LCOR: variants seen among roughly 807,000 people sequenced by gnomAD.
LCOR encodes the protein ligand dependent nuclear receptor corepressor, also known as ligand-dependent corepressor.
Under a neutral mutation model 64.4 loss-of-function variants are expected in LCOR, and 14 were observed. The observed-to-expected ratio is 0.22, with a 90% CI of 0.14 to 0.34. The LOEUF (loss-of-function observed/expected upper bound fraction) is 0.34, where lower values mean the gene tolerates loss of function less well. Among genes scored for constraint, LCOR ranks in the 10% least tolerant of loss-of-function variants. The pLI is 1.00. For synonymous variants in LCOR, 643 were observed against 642.5 expected (o/e 1.00, Z -0.01); for missense variants, 1,686 against 1,765.3 (o/e 0.96, Z 0.80).
At chr10:96,904,115 G>A (rs193078191) in intron 2 of LCOR, among the ~76,000 whole-genome samples, 37 of 152,284 alleles carry the variant, frequency 2.4e-4, no homozygotes, top group Admixed American at 5.9e-4. Context: ...GATTCATGAG[G>A]GCAGGTAACA....
At chr10:96,930,999 GA>G (rs1055244064) in intron 4 of LCOR, among the ~76,000 whole-genome samples, 6 of 152,058 alleles carry the variant, frequency 3.9e-5, no homozygotes, top group African/African-American at 1.4e-4. Flanking sequence ...CTCCATATTT[GA>G]AAATGTATTT....
chr10:96,887,681 CTTT>C (rs369996836), intron 2 of LCOR, among the ~76,000 whole-genome samples: 2 of 143,978 alleles, frequency 1.4e-5, no homozygotes, highest in South Asian at 2.3e-4. Context: ...AAACTAGCTA[CTTT>C]TTTTTTTTTT....
At chr10:96,962,295 A>G (rs985159989) in intron 7 of LCOR, 7 of 152,290 alleles carry the variant, frequency 4.6e-5, no homozygotes, top group Non-Finnish European at 1.0e-4. Context: ...CATTTTAGAA[A>G]AATAAATCAC....
intron 7 of LCOR, chr10:96,956,908 G>T (rs1847793272): frequency 2.0e-6 from 2 of 985,076 alleles, no homozygotes; most frequent in South Asian, 9.4e-5. Context: ...ATTGGGGATG[G>T]GAGAAATAGG....
intron 2 of LCOR, among the ~76,000 whole-genome samples, chr10:96,877,906 C>T (rs546873365): frequency 2.3e-4 from 35 of 152,184 alleles, no homozygotes; most frequent in Non-Finnish European, 4.1e-4. Flanking sequence ...CCACTGCGCC[C>T]GACCTGAAAA....
chr10:96,840,518 T>G (rs971693730), intron 2 of LCOR, among the ~76,000 whole-genome samples: 20 of 152,184 alleles, frequency 1.3e-4, no homozygotes, highest in African/African-American at 4.1e-4. Flanking sequence ...TGGCTGTAAC[T>G]AGGGTTTAGA....
intron 4 of LCOR, among the ~76,000 whole-genome samples, chr10:96,911,993 A>G (rs935826618): frequency 4.6e-5 from 7 of 151,858 alleles, no homozygotes; most frequent in African/African-American, 1.7e-4. Flanking sequence ...GTACAGAGGC[A>G]TGATCTCGGC....
intron 7 of LCOR, among the ~76,000 whole-genome samples, chr10:96,969,476 CTA>C (rs144981717): frequency 0.02 from 3,040 of 151,442 alleles, 35 homozygotes; most frequent in South Asian, 0.044. Flanking sequence ...ATAAAGTTAA[CTA>C]TGTGCATTTC....
At chr10:96,926,324 A>C (rs1445092811) in intron 4 of LCOR, among the ~76,000 whole-genome samples, 1 of 152,216 alleles carries the variant, frequency 6.6e-6, no homozygotes, top group African/African-American at 2.4e-5. Context: ...TGTGCAAAGA[A>C]ATTTATGGAA....
At chr10:96,879,702 G>A (rs774870492) in intron 2 of LCOR, among the ~76,000 whole-genome samples, 8 of 152,020 alleles carry the variant, frequency 5.3e-5, no homozygotes, top group Non-Finnish European at 1.0e-4. Flanking sequence ...TCACTCTGTC[G>A]CCCAGGCTGG....
At chr10:96,911,006 C>T (rs537913462) in intron 4 of LCOR, among the ~76,000 whole-genome samples, 12 of 151,688 alleles carry the variant, frequency 7.9e-5, no homozygotes, top group South Asian at 4.2e-4. Flanking sequence ...TTCAGGATCG[C>T]GCAGAAGTTA....
intron 7 of LCOR, chr10:96,956,499 C>T (rs1847786327): frequency 1.0e-6 from 1 of 981,984 alleles, no homozygotes; most frequent in Non-Finnish European, 1.2e-6. Flanking sequence ...ATTATTGGGT[C>T]ATTTATAGTT....
intron 2 of LCOR, among the ~76,000 whole-genome samples, chr10:96,859,166 T>C (rs900547677): frequency 7.2e-5 from 11 of 152,302 alleles, no homozygotes; most frequent in Admixed American, 5.9e-4. Context: ...AATGTTTCCT[T>C]CTTTCCATCG....
chr10:96,866,945 T>C lies in LCOR; in HGVS notation c.-330+33466T>C, dbSNP rs149536454. 5.5e-3 allele frequency among the ~76,000 whole-genome samples: 839 copies of C among 152,260 alleles called. 10 individuals carry two copies. Among genetic ancestry groups the C allele is most frequent in the African/African-American group, 0.019 (805 of 41,544 alleles). The stretch of plus-strand genomic sequence containing the variant: ...ACCAACAATGTATGAGAGATTGGTT[T>C]TTCCACATTTTGCCAGATTTTTCGT... On this transcript the variant is annotated intron_variant, in intron 2 of 7. Transcript: ENST00000421806.
rs1292334845 is a variant in LCOR at position 96,988,978 on chromosome 10, C to A, written c.*3844C>A. 6.6e-6 allele frequency: 1 copy of A among 152,240 alleles called. No individual in the cohort carries two copies. The highest frequency in any genetic ancestry group is 1.5e-5 in the Non-Finnish European group (1 of 68,052). 9.4% of individuals were successfully genotyped at this position (152,240 alleles called of 1,614,324 possible). A position where few individuals can be genotyped will look rare whatever the true frequency, so the allele number is the denominator to read the frequency against. On this transcript the variant is annotated 3_prime_UTR_variant, in exon 8 of 8. Coordinates refer to ENST00000421806, the MANE Select transcript of LCOR (RefSeq NM_001346516.2). ...TACTATCTGGACCTTCAGAAAACAT[C>A]TGCTGATCCCTGCTTGAGAAAGTCA... is the stretch of plus-strand genomic sequence containing the variant.
intron 4 of LCOR, among the ~76,000 whole-genome samples, chr10:96,922,712 A>G (rs1301926656): frequency 1.3e-5 from 2 of 152,192 alleles, no homozygotes; most frequent in East Asian, 1.9e-4. Context: ...GTTAAAAACT[A>G]TACATGTATA....
intron 4 of LCOR, among the ~76,000 whole-genome samples, chr10:96,928,372 C>T (rs1001905418): frequency 2.0e-5 from 3 of 152,142 alleles, no homozygotes; most frequent in East Asian, 3.8e-4. Context: ...TAAGAAACCA[C>T]TTTCTTCAAA....
rs547440857 is a variant in LCOR, at chr10:96,861,582, G to T, written c.-330+28103G>T. On this transcript the variant is annotated intron_variant, in intron 2 of 7. Coordinates refer to ENST00000421806, the MANE Select transcript of LCOR (RefSeq NM_001346516.2). The stretch of plus-strand genomic sequence containing the variant: ...TTTTTGAGACAGGGTGTCTCACTCT[G>T]TCACCCAGGCTGGAGTTCAGTGGCA... Among the ~76,000 whole-genome samples, 10 of 152,048 alleles carry T rather than the reference G, an allele frequency of 6.6e-5. No individual in the cohort carries two copies. The East Asian group carries it at 1.9e-3, about 29-fold the overall frequency.
At chr10:96,960,016 A>G (rs1260489156) in intron 7 of LCOR, 1 of 152,212 alleles carries the variant, frequency 6.6e-6, no homozygotes, top group Non-Finnish European at 1.5e-5. Context: ...TACCTTAGCT[A>G]TAATATGAGC....
Sources: allele counts gnomAD v4.1 joint callset (sites outside exome capture counted in the v4.1 genomes callset), GRCh38; gene constraint gnomAD v4.1.1; transcripts MANE v1.5; gene names NCBI Gene and HGNC (gene_info 2026-07-23, HGNC 2026-07-21).